The following TOX3 variants were observed in gnomAD, a reference collection of about 807,000 sequenced individuals.
TOX3 encodes the protein TOX high mobility group box family member 3, also known as CAG trinucleotide repeat-containing gene F9 protein.
TOX3 carries 22 observed loss-of-function variants against 64.3 expected under a neutral mutation model. The observed-to-expected ratio is 0.34, with a 90% confidence interval of 0.24 to 0.49. The LOEUF is 0.49. TOX3 is among the 20% of genes least tolerant of loss of function. The pLI is 0.99. For missense variants in TOX3, 661 were observed against 714.4 expected (o/e 0.93, Z 0.85); for synonymous variants, 291 against 273.6 (o/e 1.06, Z -0.63).
chr16:52,488,020 A>C, intron 1 of TOX3, among the ~76,000 whole-genome samples: 1 of 152,196 alleles, frequency 6.6e-6, no homozygotes, highest in Non-Finnish European at 1.5e-5. Context: ...ATCTTAAGTA[A>C]GCCAAAGGGA....
intron 1 of TOX3, among the ~76,000 whole-genome samples, chr16:52,485,139 G>GTGTATATGTGTGTGTATATATACATGTA (rs1567329270): frequency 1.1e-4 from 12 of 109,532 alleles, no homozygotes; most frequent in African/African-American, 1.5e-4. Flanking sequence ...ATACATATGT[G>GTGTATATGTGTGTGTATATATACATGTA]TGTATATGTG....
At chr16:52,471,679 C>T (rs1387230931) in intron 1 of TOX3, among the ~76,000 whole-genome samples, 1 of 152,144 alleles carries the variant, frequency 6.6e-6, no homozygotes, top group East Asian at 1.9e-4. Context: ...CTCCTAATCG[C>T]CCATCCTAAC....
intron 1 of TOX3, among the ~76,000 whole-genome samples, chr16:52,532,385 G>A (rs568492582): frequency 3.3e-5 from 5 of 152,266 alleles, no homozygotes; most frequent in South Asian, 2.1e-4. Context: ...CCTGCTGTCC[G>A]AAATACTGCC....
At chr16:52,471,194 A>C (rs910552154) in intron 1 of TOX3, among the ~76,000 whole-genome samples, 3 of 152,248 alleles carry the variant, frequency 2.0e-5, no homozygotes, top group Non-Finnish European at 4.4e-5. Flanking sequence ...ATTCAAATTT[A>C]ACTGGGTGCT....
rs376100147 is a variant in TOX3, at chr16:52,448,813, A to G, written c.678+1464T>C. Among the ~76,000 whole-genome samples the G allele has an allele frequency of 5.6e-5, 8 of 141,624 alleles. No homozygotes were observed. In the East Asian group the frequency reaches 2.6e-3, roughly 46 times the overall value. The allele number at this position is 141,624 out of a possible 152,430, so 92.9% of individuals were successfully genotyped here. ...CCACGTGCTGATGGTCCCAAAATCT[A>G]TAGTTCCAGTTCCCCATGACTGAGT... On this transcript the variant is annotated intron_variant, in intron 4 of 6. Transcript: ENST00000219746.
chr16:52,504,422 G>C (rs922197136), intron 1 of TOX3, among the ~76,000 whole-genome samples: 6 of 147,194 alleles, frequency 4.1e-5, no homozygotes, highest in Non-Finnish European at 5.9e-5. Context: ...AGCCGAGATC[G>C]TGTCACTGCA....
intron 1 of TOX3, among the ~76,000 whole-genome samples, chr16:52,541,080 C>T (rs980559603): frequency 6.6e-6 from 1 of 152,046 alleles, no homozygotes; most frequent in African/African-American, 2.4e-5. Context: ...GACCCACAAC[C>T]TTAGCATTGC....
intron 1 of TOX3, among the ~76,000 whole-genome samples, chr16:52,520,251 G>A (rs1333133476): frequency 6.6e-6 from 1 of 152,130 alleles, no homozygotes; most frequent in Admixed American, 6.5e-5. Flanking sequence ...ATAAAATTGT[G>A]TAATTTATTA....
chr16:52,477,958 C>T (rs1206127060), intron 1 of TOX3, among the ~76,000 whole-genome samples: 1 of 152,252 alleles, frequency 6.6e-6, no homozygotes, highest in Non-Finnish European at 1.5e-5. Flanking sequence ...CCACTTAAGT[C>T]TCCCAAGTCA....
intron 3 of TOX3, among the ~76,000 whole-genome samples, chr16:52,454,886 C>A (rs1434099298): frequency 1.3e-5 from 2 of 152,150 alleles, no homozygotes; most frequent in Non-Finnish European, 2.9e-5. Flanking sequence ...ATACTCCCAC[C>A]AAAATTGCTC....
At chr16:52,523,428 G>C (rs1962657134) in intron 1 of TOX3, among the ~76,000 whole-genome samples, 1 of 152,148 alleles carries the variant, frequency 6.6e-6, no homozygotes, top group Middle Eastern at 3.2e-3. Context: ...AGGAGTCACA[G>C]GGACCTAGCT....
At chr16:52,477,269 T>C (rs1961234241) in intron 1 of TOX3, among the ~76,000 whole-genome samples, 1 of 152,138 alleles carries the variant, frequency 6.6e-6, no homozygotes, top group African/African-American at 2.4e-5. Flanking sequence ...GAGGAGATGG[T>C]AGAAAGCCAG....
At chr16:52,441,949 C>G (rs1960004090) in intron 6 of TOX3, among the ~76,000 whole-genome samples, 1 of 152,180 alleles carries the variant, frequency 6.6e-6, no homozygotes, top group Non-Finnish European at 1.5e-5. Flanking sequence ...ACCATTAAAT[C>G]ACCCATAAAG....
At chr16:52,449,038 A>G (rs1567311921) in intron 4 of TOX3, among the ~76,000 whole-genome samples, 1 of 152,114 alleles carries the variant, frequency 6.6e-6, no homozygotes, top group Non-Finnish European at 1.5e-5. Flanking sequence ...TATGATTTTC[A>G]CTCCTAAAAT....
At chr16:52,527,706 T>C (rs1962755144) in intron 1 of TOX3, among the ~76,000 whole-genome samples, 1 of 152,206 alleles carries the variant, frequency 6.6e-6, no homozygotes, top group Non-Finnish European at 1.5e-5. Flanking sequence ...AACACAATGA[T>C]GGAGGCTCCT....
chr16:52,520,559 A>G (rs916244275), intron 1 of TOX3, among the ~76,000 whole-genome samples: 3 of 152,110 alleles, frequency 2.0e-5, no homozygotes, highest in Admixed American at 2.0e-4. Context: ...GCAGGTCCAC[A>G]CTCTTCCTTA....
At chr16:52,511,670 G>T (rs1246390275) in intron 1 of TOX3, among the ~76,000 whole-genome samples, 2 of 152,098 alleles carry the variant, frequency 1.3e-5, no homozygotes, top group Non-Finnish European at 2.9e-5. Flanking sequence ...TTTTCTTTTT[G>T]TGTGTTTGTA....
chr16:52,481,977 A>T (rs1296778838), intron 1 of TOX3, among the ~76,000 whole-genome samples: 1 of 152,210 alleles, frequency 6.6e-6, no homozygotes, highest in Non-Finnish European at 1.5e-5. Context: ...CCTCCCAACC[A>T]ACTATTCCAA....
At chr16:52,468,435 T>C (rs1960930368) in intron 2 of TOX3, 74 bp downstream of exon 2, 1 of 1,343,498 alleles carries the variant, frequency 7.4e-7, no homozygotes, top group African/African-American at 1.5e-5. Flanking sequence ...GATACTTTGT[T>C]TTTCCCTTCA....
Sources: allele counts gnomAD v4.1 joint callset (sites outside exome capture counted in the v4.1 genomes callset), GRCh38; gene constraint gnomAD v4.1.1; transcripts MANE v1.5; gene names NCBI Gene and HGNC (gene_info 2026-07-23, HGNC 2026-07-21).